Variants in SNTG2 observed in about 807,000 individuals in gnomAD.
The protein encoded by SNTG2 is gamma-2-syntrophin.
A neutral mutation model predicts 70.9 loss-of-function variants in SNTG2; 74 were observed. The observed-to-expected ratio is 1.04, with a 90% CI of 0.86 to 1.27. SNTG2 has a LOEUF of 1.27. SNTG2 is among the 50% of genes most tolerant of loss of function. The pLI is 0.00. For missense variants in SNTG2, 717 were observed against 690.7 expected, an observed-to-expected ratio of 1.04 and a Z score of -0.43; for synonymous variants, 278 against 273.8, an observed-to-expected ratio of 1.02 and a Z score of -0.15.
chr2:1,181,148 C>T (rs1027150063), intron 8 of SNTG2, among the ~76,000 whole-genome samples: 12 of 152,130 alleles, frequency 7.9e-5, no homozygotes, highest in Admixed American at 4.6e-4. Context: ...AGCACACCAA[C>T]ATGGCACATG....
At chr2:1,134,834 G>A (rs956900540) in intron 4 of SNTG2, among the ~76,000 whole-genome samples, 6 of 152,176 alleles carry the variant, frequency 3.9e-5, no homozygotes, top group African/African-American at 1.4e-4. Flanking sequence ...GGGAGGCTCA[G>A]GCATGGCGGG....
At chr2:1,162,590 A>AC (rs1318498994) in intron 6 of SNTG2, among the ~76,000 whole-genome samples, 2 of 152,082 alleles carry the variant, frequency 1.3e-5, no homozygotes, top group Non-Finnish European at 2.9e-5. Flanking sequence ...CCCCTCCCAC[A>AC]CCGCACACTC....
At chr2:1,007,442 G>T (rs1429218379) in intron 1 of SNTG2, among the ~76,000 whole-genome samples, 1 of 152,172 alleles carries the variant, frequency 6.6e-6, no homozygotes, top group African/African-American at 2.4e-5. Flanking sequence ...ATGTTGGGCA[G>T]GAAACAAAAC....
At chr2:983,855 A>G (rs1661213409) in intron 1 of SNTG2, among the ~76,000 whole-genome samples, 1 of 152,202 alleles carries the variant, frequency 6.6e-6, no homozygotes, top group Admixed American at 6.5e-5. Context: ...AGGAGGGATG[A>G]GGGTGTTCAG....
intron 1 of SNTG2, among the ~76,000 whole-genome samples, chr2:973,192 C>G (rs1242473875): frequency 6.6e-6 from 1 of 152,204 alleles, no homozygotes; most frequent in East Asian, 1.9e-4. Flanking sequence ...TCTGACATCA[C>G]AGTTCTTCCT....
At chr2:1,269,584 G>A (rs1477854437) in intron 14 of SNTG2, among the ~76,000 whole-genome samples, 1 of 152,106 alleles carries the variant, frequency 6.6e-6, no homozygotes, top group African/African-American at 2.4e-5. Flanking sequence ...TTAATGGTCA[G>A]GACATCTTTC....
At chr2:1,328,694 C>T (rs2148280830) in intron 16 of SNTG2, among the ~76,000 whole-genome samples, 1 of 152,244 alleles carries the variant, frequency 6.6e-6, no homozygotes, top group South Asian at 2.1e-4. Context: ...AGTGGAGAAA[C>T]ACACAAAATG....
chr2:1,225,470 G>A (rs1675707116), intron 9 of SNTG2, among the ~76,000 whole-genome samples: 1 of 152,208 alleles, frequency 6.6e-6, no homozygotes, highest in Non-Finnish European at 1.5e-5. Context: ...CGGTCGTAAA[G>A]TAAGCCGCAG....
intron 4 of SNTG2, among the ~76,000 whole-genome samples, chr2:1,132,761 C>G (rs944716439): frequency 1.3e-5 from 2 of 152,116 alleles, no homozygotes; most frequent in Admixed American, 6.5e-5. Context: ...GTACATGATA[C>G]GATCCATTAA....
chr2:1,260,789 G>GTAGAAGAATTCA (rs1475235319), intron 13 of SNTG2, among the ~76,000 whole-genome samples: 3 of 152,274 alleles, frequency 2.0e-5, no homozygotes, highest in African/African-American at 7.2e-5. Flanking sequence ...AGAAGAATTC[G>GTAGAAGAATTCA]TAGAAGAATT....
chr2:989,921 G>C (rs1387393477), intron 1 of SNTG2, among the ~76,000 whole-genome samples: 1 of 152,240 alleles, frequency 6.6e-6, no homozygotes, highest in African/African-American at 2.4e-5. Context: ...TTACTGCATA[G>C]AGAAAGGAAG....
chr2:1,189,943 A>T (rs528048528), intron 8 of SNTG2, among the ~76,000 whole-genome samples: 4 of 152,166 alleles, frequency 2.6e-5, no homozygotes, highest in African/African-American at 7.2e-5. Flanking sequence ...TACATTTCAC[A>T]TGGTTTAACA....
chr2:1,223,629 G>C (rs150087067), intron 9 of SNTG2, among the ~76,000 whole-genome samples: 328 of 152,336 alleles, frequency 2.2e-3, no homozygotes, highest in Non-Finnish European at 3.6e-3. Flanking sequence ...GATGCTGAAA[G>C]GGGAGAACTA....
At chr2:1,098,480 T>C (rs1665544335) in intron 4 of SNTG2, 70 bp downstream of exon 4, 1 of 1,486,428 alleles carries the variant, frequency 6.7e-7, no homozygotes, top group African/African-American at 1.4e-5. Context: ...CTGAAAATGA[T>C]AAAAATCAGC....
intron 1 of SNTG2, among the ~76,000 whole-genome samples, chr2:959,397 T>A (rs1660277464): frequency 6.6e-6 from 1 of 152,222 alleles, no homozygotes; most frequent in African/African-American, 2.4e-5. Flanking sequence ...TTTATCAAAT[T>A]TTGTCGTGAC....
At chr2:1,124,808 G>A (rs568713862) in intron 4 of SNTG2, among the ~76,000 whole-genome samples, 1 of 152,310 alleles carries the variant, frequency 6.6e-6, no homozygotes, top group South Asian at 2.1e-4. Flanking sequence ...GGAGGAATGA[G>A]GAGCTGGAGG....
In SNTG2 at chr2:956,671, G is replaced by T. The variant is rs765126737; in HGVS notation, c.72+5603G>T. On this transcript the variant is annotated intron_variant, in intron 1 of 16. Coordinates refer to ENST00000308624, the MANE Select transcript of SNTG2 (RefSeq NM_018968.4). The stretch of plus-strand genomic sequence containing the variant: ...CTGGGTCCCCTGCTGCTGTGAGCCC[G>T]TGGAGGGGCCGCTTTCAGAAGGACA... Among the ~76,000 whole-genome samples the T allele has an allele frequency of 2.0e-5, 3 of 152,376 alleles. No homozygotes were observed. The East Asian group carries it at 5.8e-4, about 29-fold the overall frequency.
chr2:1,137,280 G>A (rs761453590), intron 4 of SNTG2, among the ~76,000 whole-genome samples: 6 of 149,566 alleles, frequency 4.0e-5, no homozygotes, highest in African/African-American at 9.9e-5. Flanking sequence ...CCACACCCAC[G>A]CATGCACACC....
intron 14 of SNTG2, among the ~76,000 whole-genome samples, chr2:1,300,225 G>A (rs138161096): frequency 1.2e-3 from 186 of 150,864 alleles, no homozygotes; most frequent in African/African-American, 4.1e-3. Context: ...TCTGAAGGGT[G>A]TGCAAGAAGG....
Sources: allele counts gnomAD v4.1 joint callset (sites outside exome capture counted in the v4.1 genomes callset), GRCh38; gene constraint gnomAD v4.1.1; transcripts MANE v1.5; gene names NCBI Gene and HGNC (gene_info 2026-07-23, HGNC 2026-07-21).